Variants in ZNF518A observed in about 807,000 individuals in gnomAD.
ZNF518A encodes the protein zinc finger protein 518A, also known as zinc finger protein 518.
In ZNF518A, 47 loss-of-function variants were observed where a neutral mutation model predicts 102.7. The ratio of observed to expected loss-of-function variants is 0.46; its 90% CI spans 0.36 to 0.58. The LOEUF (loss-of-function observed/expected upper bound fraction) is 0.58. Ranked by LOEUF, ZNF518A falls within the 20% of genes least tolerant of loss-of-function variation. ZNF518A has a pLI of 0.00. For synonymous variants in ZNF518A, 652 were observed against 594.6 expected, an observed-to-expected ratio of 1.10 and a Z score of -1.40; for missense variants, 1,793 against 1,699.8, an observed-to-expected ratio of 1.05 and a Z score of -0.96.
In ZNF518A at chr10:96,159,393, C is replaced by G. The variant is rs1157063307; in HGVS notation, c.3071C>G (p.Thr1024Arg). 1 of 1,613,812 alleles carries G rather than the reference C, an allele frequency of 6.2e-7. No individual in the cohort carries two copies. Among genetic ancestry groups the G allele is most frequent in the East Asian group, 2.2e-5 (1 of 44,882 alleles). ...LKVEPNNNCL[T>R]PGLCSSIGSC... is the part of the protein sequence containing the mutation. ...GTAGAACCAAACAATAATTGTCTTACACCTGGACTTTGTTCCAGCATTGGC... is the reference window on the plus strand; with the variant it reads ...GTAGAACCAAACAATAATTGTCTTAGACCTGGACTTTGTTCCAGCATTGGC... Residue 1024 changes from threonine (T) to arginine (R), a missense_variant, in exon 6 of 6, where the codon ACA becomes AGA. Physicochemically the swap from Thr to Arg is moderately conservative, Grantham distance 71. Transcript: ENST00000316045.
At position 96,158,352 on chromosome 10, in the gene ZNF518A, C is replaced by T; in HGVS notation, c.2030C>T (p.Pro677Leu). The T allele has an allele frequency of 1.2e-6, 2 of 1,613,660 alleles. No homozygotes were observed. The highest frequency in any genetic ancestry group is 1.7e-6 in the Non-Finnish European group (2 of 1,179,736). The change falls in exon 6 of 6, where the codon CCA becomes CTA. Residue 677 changes from proline to leucine, a missense_variant. This residue lies in a region of ZNF518A where 1,741 missense variants were observed against 1,622.6 expected (regional missense o/e 1.07). Transcript: ENST00000316045. ...TCCAGCAAAACAGTTGTCCAACAAC[C>T]AATTAGTGAATCATTTTTATCACTA... is the stretch of plus-strand genomic sequence containing the variant. ...SSSSKTVVQQPISESFLSLVR... is the reference protein window; with the variant it reads ...SSSSKTVVQQLISESFLSLVR...
Position 96,158,278 on chromosome 10 carries a change from T to C in ZNF518A, c.1956T>C (p.Arg652=). ...AAGTGAATAATTCTAATAAACGTCG[T>C]AGGTTTTCAGGAACAGCAGTGTATG... ...YSKVNNSNKR[R]RFSGTAVYEN... The change falls in exon 6 of 6, where the codon CGT becomes CGC. Residue 652 remains arginine (R), a synonymous_variant. Coordinates refer to ENST00000316045, the MANE Select transcript of ZNF518A (RefSeq NM_001330736.2). The C allele has an allele frequency of 6.2e-7, 1 of 1,613,610 alleles. No homozygotes were observed. The highest frequency in any genetic ancestry group is 8.5e-7 in the Non-Finnish European group (1 of 1,179,646).
At chr10:96,192,041 C>A (rs138157505) in intron 1 of ZNF518A, 4 of 1,613,644 alleles carry the variant, frequency 2.5e-6, no homozygotes, top group Middle Eastern at 1.7e-4. Context: ...TCAATAAGAA[C>A]CAAAGGACTA....
At chr10:96,202,993 C>T (rs1333206648) in intron 1 of ZNF518A, among the ~76,000 whole-genome samples, 6 of 152,172 alleles carry the variant, frequency 3.9e-5, no homozygotes, top group African/African-American at 9.7e-5. Flanking sequence ...CCTGCTGCTG[C>T]GCTGTATTTT....
intron 1 of ZNF518A, among the ~76,000 whole-genome samples, chr10:96,193,318 G>A (rs2083374641): frequency 6.6e-6 from 1 of 152,144 alleles, no homozygotes; most frequent in Admixed American, 6.5e-5. Context: ...GGACTCAAGG[G>A]CCAGAAAACG....
chr10:96,137,962 G>C (rs2081694445), intron 3 of ZNF518A, among the ~76,000 whole-genome samples: 1 of 152,056 alleles, frequency 6.6e-6, no homozygotes. Context: ...TTATATCTCG[G>C]TGAATAGCAA....
At chr10:96,148,394 C>T (rs982397737) in intron 3 of ZNF518A, among the ~76,000 whole-genome samples, 1 of 152,054 alleles carries the variant, frequency 6.6e-6, no homozygotes, top group Non-Finnish European at 1.5e-5. Context: ...GAGCTGAGAT[C>T]GTGCCATTGC....
intron 1 of ZNF518A, among the ~76,000 whole-genome samples, chr10:96,185,642 C>T (rs1364766350): frequency 6.6e-6 from 1 of 152,244 alleles, no homozygotes; most frequent in Non-Finnish European, 1.5e-5. Flanking sequence ...GCAGAGGCTG[C>T]AGAACAGCAA....
At chr10:96,191,005 G>A (rs782201318) in intron 1 of ZNF518A, among the ~76,000 whole-genome samples, 4 of 152,110 alleles carry the variant, frequency 2.6e-5, no homozygotes, top group Non-Finnish European at 5.9e-5. Flanking sequence ...TAATCCCCAC[G>A]TGCCATGGGA....
intron 3 of ZNF518A, among the ~76,000 whole-genome samples, chr10:96,149,549 T>G (rs1381319385): frequency 6.6e-6 from 1 of 152,218 alleles, no homozygotes; most frequent in Non-Finnish European, 1.5e-5. Flanking sequence ...TCTCCAAATT[T>G]CTTTCTGTTT....
At chr10:96,199,429 A>G (rs2083566940) in intron 1 of ZNF518A, 5 of 422,182 alleles carry the variant, frequency 1.2e-5, no homozygotes, top group Non-Finnish European at 2.4e-5. Flanking sequence ...ATAGCCTGTC[A>G]CTGTTCACTC....
At chr10:96,191,901 G>A in intron 1 of ZNF518A, 1 of 1,586,386 alleles carries the variant, frequency 6.3e-7, no homozygotes, top group Non-Finnish European at 8.6e-7. Context: ...ATGAAGTTTT[G>A]GGACTTTTTC....
rs782411020 is a variant in ZNF518A, at chr10:96,159,110, ATAAT to A, written c.2790_2793del (p.Ile930MetfsTer9). The A allele has an allele frequency of 1.2e-6, 2 of 1,611,466 alleles. No individual in the cohort carries two copies. The highest frequency in any genetic ancestry group is 1.7e-6 in the Non-Finnish European group (2 of 1,179,198). On this transcript the variant is annotated frameshift_variant, in exon 6 of 6. Transcript: ENST00000316045. LOFTEE classifies it high-confidence loss of function. Reference sequence around the variant, plus strand: ...TTTAAATTCAGAACAAAAAAAAACTATAATTGTTCAGACTTCAAAAGGATTCTTA... The same window carrying A: ...TTTAAATTCAGAACAAAAAAAAACTATGTTCAGACTTCAAAAGGATTCTTA...
At chr10:96,189,698 AATCATCATCATCATC>A (rs150495829) in intron 1 of ZNF518A, 6 of 655,436 alleles carry the variant, frequency 9.2e-6, no homozygotes, top group African/African-American at 1.8e-5. Flanking sequence ...TCATCATCAA[AATCATCATCATCATC>A]ATCATCATCA....
downstream of ZNF518A, among the ~76,000 whole-genome samples, chr10:96,167,424 A>T (rs1230717625): frequency 2.0e-5 from 3 of 152,226 alleles, no homozygotes; most frequent in Non-Finnish European, 4.4e-5. Context: ...ATTGCTGTCC[A>T]GCCTGGGAGG....
chr10:96,199,140 A>G (rs2083558201), intron 1 of ZNF518A, among the ~76,000 whole-genome samples: 1 of 152,226 alleles, frequency 6.6e-6, no homozygotes, highest in African/African-American at 2.4e-5. Context: ...ACACTAATAT[A>G]TTTACTTGTA....
At chr10:96,198,850 CAT>C (rs1554895319) in intron 1 of ZNF518A, among the ~76,000 whole-genome samples, 1 of 152,226 alleles carries the variant, frequency 6.6e-6, no homozygotes, top group East Asian at 1.9e-4. Flanking sequence ...AGGCGCCCGC[CAT>C]CACGCCTGGC....
intron 1 of ZNF518A, among the ~76,000 whole-genome samples, chr10:96,198,416 C>T (rs186144273): frequency 2.7e-4 from 41 of 152,274 alleles, no homozygotes; most frequent in Non-Finnish European, 5.1e-4. Context: ...ATTGAAAGGG[C>T]TTCTGTCTAC....
At chr10:96,139,253 T>G (rs1554875614) in intron 3 of ZNF518A, among the ~76,000 whole-genome samples, 1 of 152,126 alleles carries the variant, frequency 6.6e-6, no homozygotes, top group African/African-American at 2.4e-5. Flanking sequence ...GTAAAGAGAT[T>G]AAATTTTATT....
Sources: allele counts gnomAD v4.1 joint callset (sites outside exome capture counted in the v4.1 genomes callset), GRCh38; gene constraint gnomAD v4.1.1; regional missense constraint gnomAD v4.1.1; transcripts MANE v1.5; gene names NCBI Gene and HGNC (gene_info 2026-07-23, HGNC 2026-07-21).